Variants in KLHL40 observed in about 807,000 individuals in gnomAD.
The protein encoded by KLHL40 is kelch like family member 40.
Under a neutral mutation model 49.7 loss-of-function variants are expected in KLHL40, and 44 were observed. The ratio of observed to expected loss-of-function variants is 0.89; its 90% CI spans 0.70 to 1.14. The LOEUF is 1.14. Ranked by LOEUF, KLHL40 falls within the 50% of genes most tolerant of loss-of-function variation. The probability of loss-of-function intolerance (pLI) is 0.00; values close to 1 mark genes in which losing one functional copy is unlikely to be tolerated. For missense variants in KLHL40, 892 were observed against 850.3 expected (o/e 1.05, Z -0.61); for synonymous variants, 409 against 365.2 (o/e 1.12, Z -1.37).
chr3:42,692,114 T>C lies in KLHL40; in HGVS notation c.*121T>C. 1 of 673,404 alleles carries C rather than the reference T, an allele frequency of 1.5e-6. No homozygotes were observed. The highest frequency in any genetic ancestry group is 1.8e-5 in the African/African-American group (1 of 56,248). 41.7% of individuals were successfully genotyped at this position (673,404 alleles called of 1,614,324 possible). On this transcript the variant is annotated 3_prime_UTR_variant, in exon 6 of 6. Transcript: ENST00000287777. Reference sequence around the variant, plus strand: ...AGAGTCTACCTGGATCCAGTTATGGTGCCTCAGGGGCTGCGTCAGCCAAGG... The same window carrying C: ...AGAGTCTACCTGGATCCAGTTATGGCGCCTCAGGGGCTGCGTCAGCCAAGG...
chr3:42,685,575 G>C lies in KLHL40; in HGVS notation c.-44G>C. 1 of 1,518,226 alleles carries C rather than the reference G, an allele frequency of 6.6e-7. No homozygotes were observed. 94.0% of individuals were successfully genotyped at this position (1,518,226 alleles called of 1,614,324 possible). ...CCCAGCAGGAAAGCAGGGGTACAGA[G>C]AGGAGCCCCCTTGGCACCGCCACCG... On this transcript the variant is annotated 5_prime_UTR_variant, in exon 1 of 6. Coordinates refer to ENST00000287777, the MANE Select transcript of KLHL40 (RefSeq NM_152393.4).
intron 5 of KLHL40, among the ~76,000 whole-genome samples, chr3:42,691,649 AC>A (rs961378355): frequency 2.9e-4 from 44 of 151,304 alleles, no homozygotes; most frequent in Admixed American, 2.1e-3. Context: ...ATATGGGAAC[AC>A]CCCTTGAGAG....
chr3:42,686,745 A>T lies in KLHL40; in HGVS notation c.1127A>T (p.Asp376Val). 6 of 1,612,002 alleles carry T rather than the reference A, an allele frequency of 3.7e-6. No individual in the cohort carries two copies. The highest frequency in any genetic ancestry group is 5.1e-6 in the Non-Finnish European group (6 of 1,179,450). The change falls in exon 1 of 6, where the codon GAC (aspartate) becomes GTC (valine). Residue 376 changes from aspartate to valine, a missense_variant. By Grantham distance (152) the Asp-to-Val change is radical. Coordinates refer to ENST00000287777, the MANE Select transcript of KLHL40 (RefSeq NM_152393.4). The part of the protein sequence containing the change: ...GLFYNEDNKE[D>V]PMSAYFLQFD... ...TTCTACAACGAAGACAACAAAGAGG[A>T]CCCCATGAGCGCATACTTCCTGCAG...
Position 42,688,572 on chromosome 3 carries a change from T to G in KLHL40, c.1314-38T>G. On this transcript the variant is annotated intron_variant, in intron 2 of 5. Transcript: ENST00000287777. The surrounding 1 kb of genome is among the most constrained non-coding windows in gnomAD (Gnocchi z 4.2). ...AGACAGGGACTGAGCCGAGCCTGGA[T>G]GGGTGCCCTCCCCCACCCCCACTCC... 6.8e-7 allele frequency: 1 copy of G among 1,472,318 alleles called. No individual in the cohort carries two copies. Among genetic ancestry groups the G allele is most frequent in the Non-Finnish European group, 9.5e-7 (1 of 1,053,520 alleles). 91.2% of individuals were successfully genotyped at this position (1,472,318 alleles called of 1,614,324 possible).
Position 42,686,443 on chromosome 3 carries a change from G to A in KLHL40, c.825G>A (p.Lys275=). Reference sequence around the variant, plus strand: ...CGCTGCGGAAGAAAAAGAAGGGGAAGGATGGAGCCGGGGCCAAGGAGGCTG... The same window carrying A: ...CGCTGCGGAAGAAAAAGAAGGGGAAAGATGGAGCCGGGGCCAAGGAGGCTG... ...ITTLRKKKKG[K]DGAGAKEADK... The change falls in exon 1 of 6, where the codon AAG becomes AAA. Residue 275 remains lysine (K), a synonymous_variant. Coordinates refer to ENST00000287777, the MANE Select transcript of KLHL40 (RefSeq NM_152393.4). 3 of 1,613,988 alleles carry A rather than the reference G, an allele frequency of 1.9e-6. No homozygotes were observed. Among genetic ancestry groups the A allele is most frequent in the Non-Finnish European group, 2.5e-6 (3 of 1,179,976 alleles).
At position 42,686,469 on chromosome 3, in the gene KLHL40, A is replaced by G; in HGVS notation, c.851A>G (p.Asp284Gly). 6.2e-7 allele frequency: 1 copy of G among 1,614,046 alleles called. No individual in the cohort carries two copies. The highest frequency in any genetic ancestry group is 1.1e-5 in the South Asian group (1 of 91,082). The change falls in exon 1 of 6, where the codon GAT becomes GGT. Residue 284 changes from aspartate (D) to glycine (G), a missense_variant. Asp to Gly is a moderately conservative substitution (Grantham distance 94). Coordinates refer to ENST00000287777, the MANE Select transcript of KLHL40 (RefSeq NM_152393.4). ...GATGGAGCCGGGGCCAAGGAGGCTG[A>G]TAAGGGCACAAGCAAAGCCAAAGCA... Reference protein sequence around the residue: ...GKDGAGAKEADKGTSKAKAEE... With the variant: ...GKDGAGAKEAGKGTSKAKAEE...
chr3:42,691,974 T>C lies in KLHL40; in HGVS notation c.1847T>C (p.Leu616Pro). 2 of 1,608,344 alleles carry C rather than the reference T, an allele frequency of 1.2e-6. No homozygotes were observed. The highest frequency in any genetic ancestry group is 1.7e-6 in the Non-Finnish European group (2 of 1,174,782). Residue 616 changes from leucine to proline, a missense_variant, in exon 6 of 6, where the codon CTG becomes CCG. Physicochemically the swap from Leu to Pro is moderately conservative, Grantham distance 98. Coordinates refer to ENST00000287777, the MANE Select transcript of KLHL40 (RefSeq NM_152393.4). The part of the protein sequence containing the change: ...ATFLPVRLNV[L>P]CLTKM ...TTCCTACCAGTGCGGCTCAATGTGC[T>C]GTGCCTGACTAAGATGTGACCAGCT...
chr3:42,686,737 C>G lies in KLHL40; in HGVS notation c.1119C>G (p.Asn373Lys). 1.9e-6 allele frequency: 3 copies of G among 1,612,700 alleles called. No homozygotes were observed. Among genetic ancestry groups the G allele is most frequent in the Non-Finnish European group, 2.5e-6 (3 of 1,179,768 alleles). The part of the protein sequence containing the change: ...VAGGLFYNED[N>K]KEDPMSAYFL... The stretch of plus-strand genomic sequence containing the variant: ...GAGGCCTCTTCTACAACGAAGACAA[C>G]AAAGAGGACCCCATGAGCGCATACT... Residue 373 changes from asparagine (N) to lysine (K), a missense_variant, in exon 1 of 6, where the codon AAC (asparagine) becomes AAG (lysine). Asn to Lys is a moderately conservative substitution (Grantham distance 94, BLOSUM62 0). Coordinates refer to ENST00000287777, the MANE Select transcript of KLHL40 (RefSeq NM_152393.4).
At position 42,692,375 on chromosome 3, in the gene KLHL40, G is replaced by A; in HGVS notation, c.*382G>A. 1 of 412,874 alleles carries A rather than the reference G, an allele frequency of 2.4e-6. No individual in the cohort carries two copies. The highest frequency in any genetic ancestry group is 4.5e-6 in the Non-Finnish European group (1 of 224,020). The allele number at this position is 412,874 out of a possible 1,614,324, so 25.6% of individuals were successfully genotyped here. ...GCATCCCCATCAAGTGCAGTGTACA[G>A]TGCAGATATGTCTCCTTCTTTAGGA... On this transcript the variant is annotated 3_prime_UTR_variant, in exon 6 of 6. Transcript: ENST00000287777.
In KLHL40 at chr3:42,691,869, C is replaced by T. The variant is rs758134586; in HGVS notation, c.1755-13C>T. The T allele has an allele frequency of 2.6e-6, 4 of 1,551,452 alleles. No homozygotes were observed. The Admixed American group carries it at 6.7e-5, about 26-fold the overall frequency. ...AGCTCTCCATCCTTGTCCCCACTCT[C>T]TCTCATCCCCAGGTATAACGAGGAG... On this transcript the variant is annotated splice_polypyrimidine_tract_variant and intron_variant, in intron 5 of 5. Transcript: ENST00000287777.
Position 42,688,064 on chromosome 3 carries a change from G to T in KLHL40, c.1153-78G>T. The T allele has an allele frequency of 6.3e-7, 1 of 1,576,382 alleles. No homozygotes were observed. Reference sequence around the variant, plus strand: ...GGGTTCCCGACCTCCTCCGTGATCTGGGGCAGTGGGACTGAGTGGGGCTGG... The same window carrying T: ...GGGTTCCCGACCTCCTCCGTGATCTTGGGCAGTGGGACTGAGTGGGGCTGG... On this transcript the variant is annotated intron_variant, in intron 1 of 5. Transcript: ENST00000287777. The surrounding 1 kb of genome is among the most constrained non-coding windows in gnomAD (Gnocchi z 4.2).
Position 42,686,228 on chromosome 3 carries a change from A to G in KLHL40, c.610A>G (p.Ser204Gly), listed in dbSNP as rs560260717. ...VFEAVMRWAG[S>G]GDAEAQAERQ... Reference sequence around the variant, plus strand: ...CGAGGCGGTGATGCGGTGGGCGGGTAGCGGCGACGCCGAGGCGCAGGCTGA... The same window carrying G: ...CGAGGCGGTGATGCGGTGGGCGGGTGGCGGCGACGCCGAGGCGCAGGCTGA... The change falls in exon 1 of 6, where the codon AGC becomes GGC. Residue 204 changes from serine to glycine, a missense_variant. Transcript: ENST00000287777. The G allele has an allele frequency of 2.1e-5, 32 of 1,556,294 alleles. No individual in the cohort carries two copies. Among genetic ancestry groups the G allele is most frequent in the Non-Finnish European group, 2.3e-5 (27 of 1,153,048 alleles).
At chr3:42,690,010 G>A (rs1283359177) in intron 4 of KLHL40, among the ~76,000 whole-genome samples, 1 of 152,186 alleles carries the variant, frequency 6.6e-6, no homozygotes, top group Non-Finnish European at 1.5e-5. Flanking sequence ...CTGAGTGAGG[G>A]TGGGAGGCCA....
chr3:42,686,975 G>A (rs1472288245), intron 1 of KLHL40, among the ~76,000 whole-genome samples: 1 of 152,246 alleles, frequency 6.6e-6, no homozygotes, highest in African/African-American at 2.4e-5. Context: ...GCATAACTTT[G>A]GTATCTTAAT....
intron 1 of KLHL40, among the ~76,000 whole-genome samples, chr3:42,687,571 C>A (rs339702): frequency 6.6e-6 from 1 of 151,962 alleles, no homozygotes; most frequent in African/African-American, 2.4e-5. Context: ...CTGTTTGTAA[C>A]TGGGGATATT....
intron 4 of KLHL40, among the ~76,000 whole-genome samples, chr3:42,690,075 T>C (rs963811974): frequency 1.3e-5 from 2 of 151,882 alleles, no homozygotes; most frequent in Admixed American, 6.5e-5. Flanking sequence ...AGTTAGGACA[T>C]GTGGACTTGA....
chr3:42,688,779 G>T lies in KLHL40; in HGVS notation c.1421+62G>T, dbSNP rs1697316251. The T allele has an allele frequency of 3.2e-6, 5 of 1,580,676 alleles. No individual in the cohort carries two copies. The highest frequency in any genetic ancestry group is 4.3e-6 in the Non-Finnish European group (5 of 1,149,778). ...GTAGAATCTCCCAGAGGCTGTCAGG[G>T]GTTTGTCCTGGCTGCCCCGGCAGGT... On this transcript the variant is annotated intron_variant, in intron 3 of 5. Coordinates refer to ENST00000287777, the MANE Select transcript of KLHL40 (RefSeq NM_152393.4). The surrounding 1 kb of genome is among the most constrained non-coding windows in gnomAD (Gnocchi z 4.2).
chr3:42,691,087 T>G, intron 5 of KLHL40, 82 bp downstream of exon 5: 1 of 1,413,600 alleles, frequency 7.1e-7, no homozygotes, highest in Non-Finnish European at 9.5e-7. Flanking sequence ...ACCAAGGCAC[T>G]GGGCAAGCTC....
At chr3:42,687,530 T>C (rs1039946487) in intron 1 of KLHL40, among the ~76,000 whole-genome samples, 11 of 152,068 alleles carry the variant, frequency 7.2e-5, no homozygotes, top group Non-Finnish European at 1.3e-4. Context: ...AGCTCAGCAG[T>C]GTGGGCACAT....
Sources: allele counts gnomAD v4.1 joint callset (sites outside exome capture counted in the v4.1 genomes callset), GRCh38; gene constraint gnomAD v4.1.1; non-coding constraint Gnocchi (gnomAD v3.1); transcripts MANE v1.5; gene names NCBI Gene and HGNC (gene_info 2026-07-23, HGNC 2026-07-21).